HIVEP2: variants seen among roughly 807,000 people sequenced by gnomAD.
HIVEP2 encodes the protein transcription factor HIVEP2.
Under a neutral mutation model 180.7 loss-of-function variants are expected in HIVEP2, and 14 were observed. The observed-to-expected ratio is 0.08, with a 90% CI of 0.05 to 0.12. HIVEP2 has a LOEUF of 0.12. Among genes scored for constraint, HIVEP2 ranks in the 10% least tolerant of loss-of-function variants. The pLI is 1.00. For synonymous variants in HIVEP2, 1,184 were observed against 1,136.4 expected, an observed-to-expected ratio of 1.04 and a Z score of -0.84; for missense variants, 2,579 against 3,008.5, an observed-to-expected ratio of 0.86 and a Z score of 3.34.
At chr6:142,784,904 T>C (rs9496464) in intron 2 of HIVEP2, among the ~76,000 whole-genome samples, 78,620 of 151,482 alleles carry the variant, frequency 0.52, 21,349 homozygotes, top group Non-Finnish European at 0.6. Flanking sequence ...TCTATTTTTT[T>C]TGAGACGGAG....
chr6:142,813,922 T>C (rs547258949), intron 2 of HIVEP2, among the ~76,000 whole-genome samples: 2 of 152,106 alleles, frequency 1.3e-5, no homozygotes, highest in African/African-American at 4.8e-5. Flanking sequence ...TATCATTTTA[T>C]TGACTTTCTA....
chr6:142,766,467 C>A (rs774434006), intron 6 of HIVEP2, among the ~76,000 whole-genome samples: 1 of 152,054 alleles, frequency 6.6e-6, no homozygotes, highest in African/African-American at 2.4e-5. Context: ...ATTCTCTGCC[C>A]CTAACTAGAT....
intron 4 of HIVEP2, among the ~76,000 whole-genome samples, chr6:142,775,808 C>G (rs1348772031): frequency 6.8e-6 from 1 of 147,366 alleles, no homozygotes; most frequent in Non-Finnish European, 1.5e-5. Context: ...GCACTGCAGC[C>G]TGGCGACAGA....
At chr6:142,928,891 G>A (rs377656605) in intron 1 of HIVEP2, among the ~76,000 whole-genome samples, 2 of 152,152 alleles carry the variant, frequency 1.3e-5, no homozygotes, top group African/African-American at 4.8e-5. Flanking sequence ...AGTGCTGAGA[G>A]GGGCCTGCAA....
intron 9 of HIVEP2, among the ~76,000 whole-genome samples, chr6:142,754,692 G>A (rs197475): frequency 0.72 from 108,893 of 152,150 alleles, 39,812 homozygotes; most frequent in African/African-American, 0.87. Flanking sequence ...ACTTATATTC[G>A]ACTCTATACT....
chr6:142,899,756 AG>A (rs932265685), intron 1 of HIVEP2, among the ~76,000 whole-genome samples: 13 of 152,298 alleles, frequency 8.5e-5, no homozygotes, highest in African/African-American at 2.9e-4. Flanking sequence ...CTCCTCTCCC[AG>A]GCCTCTCATC....
chr6:142,848,498 T>C (rs1002988427), intron 1 of HIVEP2, among the ~76,000 whole-genome samples: 4 of 152,030 alleles, frequency 2.6e-5, no homozygotes, highest in Non-Finnish European at 4.4e-5. Flanking sequence ...GGTGGGAAGA[T>C]TGTCTGAGCC....
chr6:142,791,796 C>A (rs1225562985), intron 2 of HIVEP2, among the ~76,000 whole-genome samples: 1 of 152,072 alleles, frequency 6.6e-6, no homozygotes, highest in African/African-American at 2.4e-5. Flanking sequence ...AAATAGTGTG[C>A]ATGTGTAGGA....
intron 1 of HIVEP2, among the ~76,000 whole-genome samples, chr6:142,879,675 A>G (rs749039068): frequency 6.6e-6 from 1 of 152,044 alleles, no homozygotes; most frequent in Non-Finnish European, 1.5e-5. Flanking sequence ...ATCCCAGGCC[A>G]TCTGACTTCA....
rs1042636284 is a variant in HIVEP2, at chr6:142,876,846, A to C, written c.-640-39799T>G. 3.1e-5 allele frequency among the ~76,000 whole-genome samples: 4 copies of C among 131,138 alleles called. No individual in the cohort carries two copies. The East Asian group carries it at 6.8e-4, about 22-fold the overall frequency. 86.0% of individuals were successfully genotyped at this position (131,138 alleles called of 152,430 possible). A position where few individuals can be genotyped will look rare whatever the true frequency, so the allele number is the denominator to read the frequency against. ...AAGGCCAGCCTGGGCAACGTGGCCA[A>C]ATCCCATCTTCACACACACACACAC... is the stretch of plus-strand genomic sequence containing the variant. On this transcript the variant is annotated intron_variant, in intron 1 of 9. Transcript: ENST00000367603.
At chr6:142,895,267 TG>T (rs1456211793) in intron 1 of HIVEP2, among the ~76,000 whole-genome samples, 1 of 152,202 alleles carries the variant, frequency 6.6e-6, no homozygotes, top group Non-Finnish European at 1.5e-5. Context: ...ACTGAAATTT[TG>T]GTTTTTTTTA....
intron 8 of HIVEP2, 77 bp from the exon 9 acceptor site, chr6:142,760,744 T>C: frequency 1.8e-6 from 2 of 1,102,120 alleles, no homozygotes. Context: ...CCTCATTTCT[T>C]TCTAAACGCT....
At chr6:142,846,350 G>C (rs1469649831) in intron 1 of HIVEP2, among the ~76,000 whole-genome samples, 1 of 152,128 alleles carries the variant, frequency 6.6e-6, no homozygotes. Context: ...CACAACGCAA[G>C]CTTAATGCAC....
chr6:142,772,156 C>T lies in HIVEP2; in HGVS notation c.2583G>A (p.Gly861=). The T allele has an allele frequency of 6.2e-7, 1 of 1,614,140 alleles. No homozygotes were observed. Among genetic ancestry groups the T allele is most frequent in the Non-Finnish European group, 8.5e-7 (1 of 1,180,028 alleles). ...APPGDGAESG[G]KPSPSQQVQQ... ...GCACCTGCTGAGATGGAGAGGGTTT[C>T]CCCCCACTTTCTGCACCATCCCCAG... Residue 861 remains glycine (G), a synonymous_variant, in exon 5 of 10, where the codon GGG becomes GGA. Coordinates refer to ENST00000367603, the MANE Select transcript of HIVEP2 (RefSeq NM_006734.4). The surrounding 1 kb of genome is among the most constrained non-coding windows in gnomAD (Gnocchi z 4.9).
At chr6:142,867,964 A>G (rs1455131146) in intron 1 of HIVEP2, among the ~76,000 whole-genome samples, 1 of 152,218 alleles carries the variant, frequency 6.6e-6, no homozygotes, top group Non-Finnish European at 1.5e-5. Context: ...CATCCATTGA[A>G]TAACATGACT....
chr6:142,885,788 T>G (rs1776681666), intron 1 of HIVEP2, among the ~76,000 whole-genome samples: 1 of 152,134 alleles, frequency 6.6e-6, no homozygotes, highest in Non-Finnish European at 1.5e-5. Flanking sequence ...AACAAGCTGT[T>G]TAGTAAATTT....
At chr6:142,929,868 T>C (rs374142099) in intron 1 of HIVEP2, among the ~76,000 whole-genome samples, 2 of 152,216 alleles carry the variant, frequency 1.3e-5, no homozygotes, top group Non-Finnish European at 1.5e-5. Flanking sequence ...CACATTTTCA[T>C]AGACTTTGAA....
chr6:142,814,652 T>G (rs1776786990), intron 2 of HIVEP2, among the ~76,000 whole-genome samples: 1 of 152,070 alleles, frequency 6.6e-6, no homozygotes, highest in Non-Finnish European at 1.5e-5. Context: ...TAGTGGGGCT[T>G]TGCATGGAAA....
At position 142,862,620 on chromosome 6, in the gene HIVEP2, G is replaced by A. The variant is rs927186000; in HGVS notation, c.-640-25573C>T. The stretch of plus-strand genomic sequence containing the variant: ...ATAATCGATTCATAATCGATTATAT[G>A]TATTATATATTTTATGAAATGTAAT... On this transcript the variant is annotated intron_variant, in intron 1 of 9. Transcript: ENST00000367603. 3.5e-5 allele frequency among the ~76,000 whole-genome samples: 5 copies of A among 142,242 alleles called. No individual in the cohort carries two copies. In the East Asian group the frequency reaches 1.0e-3, roughly 30 times the overall value. 93.3% of individuals were successfully genotyped at this position (142,242 alleles called of 152,430 possible). A position where few individuals can be genotyped will look rare whatever the true frequency, so the allele number is the denominator to read the frequency against.
Sources: gnomAD v4.1 joint callset for allele counts (sites outside exome capture counted in the v4.1 genomes callset) on GRCh38, gnomAD v4.1.1 for gene constraint, Gnocchi (gnomAD v3.1) non-coding constraint, MANE v1.5 for transcripts, NCBI Gene and HGNC (gene_info 2026-07-23, HGNC 2026-07-21) for gene names.